Variants in PHF24 observed in about 807,000 individuals in gnomAD.
The protein encoded by PHF24 is PHD finger protein 24, also known as Galpha inhibitory interacting protein.
Under a neutral mutation model 42.6 loss-of-function variants are expected in PHF24, and 25 were observed. The ratio of observed to expected loss-of-function variants is 0.59; its 90% confidence interval spans 0.43 to 0.82. PHF24 has a LOEUF of 0.82. Among genes scored for constraint, PHF24 ranks in the 40% least tolerant of loss-of-function variants. PHF24 has a pLI of 0.00. For missense variants in PHF24, 470 were observed against 538.1 expected (o/e 0.87, Z 1.25); for synonymous variants, 185 against 204.8 (o/e 0.90, Z 0.83).
the PHF24 span, among the ~76,000 whole-genome samples, chr9:34,768,902 G>GAC: frequency 6.6e-6 from 1 of 151,880 alleles, no homozygotes; most frequent in African/African-American, 2.4e-5. Flanking sequence ...TGGGGGGAGA[G>GAC]AGAGAGAGAG....
the PHF24 span, among the ~76,000 whole-genome samples, chr9:34,911,487 C>T: frequency 6.6e-6 from 1 of 151,884 alleles, no homozygotes; most frequent in Non-Finnish European, 1.5e-5. Context: ...CTCCTGATGT[C>T]GTGATCCACC....
At chr9:34,795,124 T>C in the PHF24 span, among the ~76,000 whole-genome samples, 1 of 152,128 alleles carries the variant, frequency 6.6e-6, no homozygotes, top group African/African-American at 2.4e-5. Context: ...ATTTCAATGA[T>C]TGCAGTTTCT....
the PHF24 span, chr9:34,690,424 C>G: frequency 7.6e-4 from 460 of 608,682 alleles, 4 homozygotes; most frequent in East Asian, 9.9e-3. Context: ...TTGAGGACAC[C>G]TGTGTGTGTG....
chr9:34,690,036 G>C, the PHF24 span: 2 of 1,612,450 alleles, frequency 1.2e-6, no homozygotes, highest in South Asian at 2.2e-5. Context: ...GGGGTGAGAG[G>C]CCGGAGAGAA....
At chr9:34,734,629 GA>G in the PHF24 span, among the ~76,000 whole-genome samples, 202 of 152,212 alleles carry the variant, frequency 1.3e-3, 1 homozygote, top group African/African-American at 4.5e-3. Flanking sequence ...AAAGGGAAAA[GA>G]AAAAAATCCT....
Position 34,962,858 on chromosome 9 carries a change from A to G in PHF24, c.-5+4457A>G, listed in dbSNP as rs535629907. ...TCATGCCATAATTTTGCTCTCATCT[A>G]TATTAGAACTTTGTGAGCTTTCAGT... On this transcript the variant is annotated intron_variant, in intron 1 of 7. Transcript: ENST00000242315. Among the ~76,000 whole-genome samples, 16 of 152,298 alleles carry G rather than the reference A, an allele frequency of 1.1e-4. 1 individual carries two copies. In the South Asian group the frequency reaches 3.3e-3, roughly 32 times the overall value.
chr9:34,828,061 C>T, the PHF24 span, among the ~76,000 whole-genome samples: 3 of 151,972 alleles, frequency 2.0e-5, no homozygotes, highest in East Asian at 1.9e-4. Flanking sequence ...AAAAAGTTTC[C>T]GTAGTAACTT....
the PHF24 span, chr9:34,729,211 T>G: frequency 1.4e-6 from 2 of 1,478,098 alleles, no homozygotes; most frequent in East Asian, 5.0e-5. Context: ...GTGGGGATTA[T>G]AAGGGAGCAC....
the PHF24 span, chr9:34,726,209 G>A: frequency 7.5e-7 from 1 of 1,333,800 alleles, no homozygotes; most frequent in Non-Finnish European, 1.0e-6. Flanking sequence ...GACCTGAGGA[G>A]TATTCTTCAG....
chr9:34,773,673 A>G, the PHF24 span, among the ~76,000 whole-genome samples: 1 of 152,208 alleles, frequency 6.6e-6, no homozygotes, highest in Non-Finnish European at 1.5e-5. Flanking sequence ...GATATGATGA[A>G]AATGGCATTT....
At chr9:34,673,285 G>A in the PHF24 span, among the ~76,000 whole-genome samples, 798 of 123,206 alleles carry the variant, frequency 6.5e-3, 7 homozygotes, top group Non-Finnish European at 0.012. Context: ...ACCTGGGAGC[G>A]GGAGGTTGCA....
At chr9:34,749,064 A>G in the PHF24 span, among the ~76,000 whole-genome samples, 1 of 152,090 alleles carries the variant, frequency 6.6e-6, no homozygotes, top group African/African-American at 2.4e-5. Flanking sequence ...CACAATTGAC[A>G]TACTGAGGAA....
the PHF24 span, among the ~76,000 whole-genome samples, chr9:34,738,759 G>A: frequency 2.6e-5 from 4 of 152,176 alleles, no homozygotes; most frequent in African/African-American, 9.7e-5. Flanking sequence ...TAAGAGACGG[G>A]ATATAGGAGG....
the PHF24 span, chr9:34,680,882 CCTT>C: frequency 6.6e-6 from 1 of 152,240 alleles, no homozygotes; most frequent in Admixed American, 6.5e-5. Flanking sequence ...CTTTTATCCT[CCTT>C]TATTGCATTC....
chr9:34,742,292 C>A, the PHF24 span, among the ~76,000 whole-genome samples: 1 of 152,210 alleles, frequency 6.6e-6, no homozygotes, highest in Non-Finnish European at 1.5e-5. Context: ...GGTCCCCTCA[C>A]AAACTCAAGT....
At chr9:34,691,135 G>T in the PHF24 span, 1 of 1,613,448 alleles carries the variant, frequency 6.2e-7, no homozygotes, top group Non-Finnish European at 8.5e-7. Context: ...CAGTAGCAGG[G>T]CCATGGAGGG....
chr9:34,773,605 CAAAT>C, the PHF24 span, among the ~76,000 whole-genome samples: 1 of 152,066 alleles, frequency 6.6e-6, no homozygotes, highest in Non-Finnish European at 1.5e-5. Context: ...ATTGAATAAA[CAAAT>C]AAACGGGGAG....
chr9:34,857,807 T>G, the PHF24 span, among the ~76,000 whole-genome samples: 1 of 152,236 alleles, frequency 6.6e-6, no homozygotes, highest in Non-Finnish European at 1.5e-5. Flanking sequence ...ATGTTCTTCC[T>G]TCTGCTTAGT....
At chr9:34,945,632 A>G in the PHF24 span, among the ~76,000 whole-genome samples, 2 of 152,146 alleles carry the variant, frequency 1.3e-5, no homozygotes, top group African/African-American at 4.8e-5. Flanking sequence ...TCACTGTCAT[A>G]GGAGTGGGTT....
Sources: gnomAD v4.1 joint callset for allele counts (sites outside exome capture counted in the v4.1 genomes callset) on GRCh38, gnomAD v4.1.1 for gene constraint, MANE v1.5 for transcripts, NCBI Gene and HGNC (gene_info 2026-07-23, HGNC 2026-07-21) for gene names.